CASP1: variants seen among roughly 807,000 people sequenced by gnomAD.
CASP1 encodes the protein caspase-1.
CASP1 carries 31 observed loss-of-function variants against 41.2 expected under a neutral mutation model. The ratio of observed to expected loss-of-function variants is 0.75; its 90% CI spans 0.57 to 1.02. CASP1 has a LOEUF of 1.02. CASP1 is among the 50% of genes least tolerant of loss of function. The pLI is 0.00. For synonymous variants in CASP1, 163 were observed against 166.5 expected (o/e 0.98, Z 0.16); for missense variants, 490 against 495.7 (o/e 0.99, Z 0.11).
chr11:105,030,023 A>G (rs1863583329), intron 5 of CASP1, 124 bp from the exon 6 acceptor site: 2 of 769,680 alleles, frequency 2.6e-6, no homozygotes, highest in East Asian at 5.2e-5. Context: ...AGGGTGCCAA[A>G]AAAAAATTTA....
chr11:105,030,976 G>C (rs1466057487), intron 4 of CASP1, 189 bp downstream of exon 4: 4 of 541,738 alleles, frequency 7.4e-6, no homozygotes, highest in South Asian at 2.2e-5. Flanking sequence ...CCCGGAAGTG[G>C]ATCCAATTTG....
chr11:105,027,251 T>C (rs1863366205), intron 7 of CASP1: 1 of 570,148 alleles, frequency 1.8e-6, no homozygotes. Context: ...GTATCTGAGG[T>C]CACGCAAGTG....
chr11:105,028,129 T>C (rs981611416), intron 7 of CASP1, among the ~76,000 whole-genome samples: 5 of 152,082 alleles, frequency 3.3e-5, no homozygotes, highest in African/African-American at 4.8e-5. Context: ...TGAAAATATA[T>C]GGTGTTTTTG....
chr11:105,030,530 A>G (rs768561602), intron 4 of CASP1, 27 bp from the exon 5 acceptor site: 35 of 1,591,506 alleles, frequency 2.2e-5, no homozygotes, highest in Admixed American at 1.2e-4. Context: ...TTGAATGAAC[A>G]GCCTTGTTCT....
intron 2 of CASP1, chr11:105,033,885 C>T: frequency 1.5e-6 from 1 of 652,954 alleles, no homozygotes; most frequent in Non-Finnish European, 2.9e-6. Context: ...AAAAATAAAT[C>T]CACAGGTAAA....
intron 3 of CASP1, among the ~76,000 whole-genome samples, chr11:105,031,874 T>G (rs995208516): frequency 6.6e-6 from 1 of 152,116 alleles, no homozygotes; most frequent in African/African-American, 2.4e-5. Context: ...TAATGATAAA[T>G]GCTAAAATCA....
At chr11:105,035,245 T>A (rs1285923491), upstream of CASP1, 2 of 1,273,506 alleles carry the variant, frequency 1.6e-6, no homozygotes, top group Admixed American at 1.7e-5. Flanking sequence ...TTTCTTCCCA[T>A]TAAAGAATCA....
intron 8 of CASP1, 108 bp downstream of exon 8, chr11:105,026,734 G>T (rs999589774): frequency 1.4e-6 from 1 of 701,376 alleles, no homozygotes. Context: ...TTGGAAAGAA[G>T]AGCATTATTG....
chr11:105,035,160 T>A (rs1293239614), upstream of CASP1: 3 of 1,613,518 alleles, frequency 1.9e-6, no homozygotes, highest in Admixed American at 3.3e-5. Context: ...GAAAGTATGC[T>A]TCGCCTTCCT....
At chr11:105,028,127 T>C (rs55685308) in intron 7 of CASP1, among the ~76,000 whole-genome samples, 3,974 of 152,180 alleles carry the variant, frequency 0.026, 173 homozygotes, top group African/African-American at 0.088. Context: ...GCTGAAAATA[T>C]ATGGTGTTTT....
In CASP1 at chr11:105,031,924, T is replaced by TGCACA. The variant is rs1180787041; in HGVS notation, c.338-649_338-645dup. Among the ~76,000 whole-genome samples, 3 of 152,284 alleles carry TGCACA rather than the reference T, an allele frequency of 2.0e-5. No individual in the cohort carries two copies. The East Asian group carries it at 5.8e-4, about 29-fold the overall frequency. On this transcript the variant is annotated intron_variant, in intron 3 of 8. Coordinates refer to ENST00000533400, the MANE Select transcript of CASP1 (RefSeq NM_001257118.3). ...TGGATTTATAGCACTAAACATTCATTGCACAGACACTTGAGGAAATGTTTT... is the reference window on the plus strand; with the variant it reads ...TGGATTTATAGCACTAAACATTCATTGCACAGCACAGACACTTGAGGAAATGTTTT...
chr11:105,029,242 T>C lies in CASP1; in HGVS notation c.888A>G (p.Lys296=), dbSNP rs3737531. ...GGTTTCCAGAAACTCCTACTGAATC[T>C]TTAAACCACACCACACCAGGGCTGT... ...RGDSPGVVWF[K]DSVGVSGNLS... is the part of the protein sequence containing the mutation. Residue 296 remains lysine, a synonymous_variant, in exon 7 of 9, where the codon AAA becomes AAG. Transcript: ENST00000533400. 1.9e-6 allele frequency: 3 copies of C among 1,613,132 alleles called. No individual in the cohort carries two copies. The East Asian group carries it at 6.7e-5, about 36-fold the overall frequency.
rs1383280115 is a variant in CASP1, at chr11:105,035,053, C to T, written c.7+54G>A. 26 of 1,610,944 alleles carry T rather than the reference C, an allele frequency of 1.6e-5. 1 individual carries two copies. The highest frequency in any genetic ancestry group is 1.6e-4 in the African/African-American group (12 of 74,786). On this transcript the variant is annotated intron_variant, in intron 1 of 8. Transcript: ENST00000533400. Reference sequence around the variant, plus strand: ...TTATGGCTTCCAGAAGAGCCAGCCCCTTCCAAAACTCTTTCTTCCCAGGGA... The same window carrying T: ...TTATGGCTTCCAGAAGAGCCAGCCCTTTCCAAAACTCTTTCTTCCCAGGGA...
chr11:105,025,974 T>G lies in CASP1; in HGVS notation c.*284A>C, dbSNP rs1863252990. ...AAGTATTTCAAATTTCAGATATTTT[T>G]GTATATTGGAATTCAGCTGTATACT... On this transcript the variant is annotated 3_prime_UTR_variant, in exon 9 of 9. Coordinates refer to ENST00000533400, the MANE Select transcript of CASP1 (RefSeq NM_001257118.3). 1 of 295,798 alleles carries G rather than the reference T, an allele frequency of 3.4e-6. No homozygotes were observed. The highest frequency in any genetic ancestry group is 2.2e-5 in the African/African-American group (1 of 45,786). 18.3% of individuals were successfully genotyped at this position (295,798 alleles called of 1,614,324 possible). A position where few individuals can be genotyped will look rare whatever the true frequency, so the allele number is the denominator to read the frequency against.
intron 3 of CASP1, among the ~76,000 whole-genome samples, chr11:105,032,277 T>C (rs375916378): frequency 3.3e-5 from 5 of 152,178 alleles, no homozygotes; most frequent in African/African-American, 1.2e-4. Flanking sequence ...GTTGGATTTC[T>C]TCATAAAGAA....
At chr11:105,028,468 TTG>T (rs1355055361) in intron 7 of CASP1, among the ~76,000 whole-genome samples, 1 of 152,246 alleles carries the variant, frequency 6.6e-6, no homozygotes, top group East Asian at 1.9e-4. Context: ...GTGCTTTATT[TTG>T]TGTCGTGCCC....
chr11:105,029,636 C>T, intron 6 of CASP1, 29 bp downstream of exon 6: 1 of 1,495,758 alleles, frequency 6.7e-7, no homozygotes, highest in Non-Finnish European at 9.3e-7. Context: ...ATTTGATTGT[C>T]TGGTGTTCTC....
chr11:105,032,102 C>T (rs1179338649), intron 3 of CASP1, among the ~76,000 whole-genome samples: 3 of 151,954 alleles, frequency 2.0e-5, no homozygotes, highest in African/African-American at 7.3e-5. Flanking sequence ...CTTTTAGAAG[C>T]TATTAAGGCA....
chr11:105,026,381 G>T, intron 8 of CASP1, 25 bp from the exon 9 acceptor site: 2 of 1,487,346 alleles, frequency 1.3e-6, no homozygotes, highest in Non-Finnish European at 9.2e-7. Flanking sequence ...AAAGTCTGTA[G>T]CCCTTTTTTT....
Sources: gnomAD v4.1 joint callset for allele counts (sites outside exome capture counted in the v4.1 genomes callset) on GRCh38, gnomAD v4.1.1 for gene constraint, MANE v1.5 for transcripts, NCBI Gene and HGNC (gene_info 2026-07-23, HGNC 2026-07-21) for gene names.